The following POU2AF1 variants were observed in gnomAD, a reference collection of about 807,000 sequenced individuals.
POU2AF1 encodes POU domain class 2-associating factor 1.
POU2AF1 carries 12 observed loss-of-function variants against 26.3 expected under a neutral mutation model. That is an observed-to-expected ratio of 0.46 (90% CI 0.29 to 0.74). The LOEUF is 0.74. POU2AF1 is among the 30% of genes least tolerant of loss of function. POU2AF1 has a pLI of 0.09. For synonymous variants in POU2AF1, 175 were observed against 148.0 expected (o/e 1.18, Z -1.32); for missense variants, 297 against 334.5 (o/e 0.89, Z 0.87).
At position 111,357,523 on chromosome 11, in the gene POU2AF1, G is replaced by A. The variant is rs767266636; in HGVS notation, c.378C>T (p.Pro126=). Residue 126 remains proline (P), a synonymous_variant, in exon 4 of 5, where the codon CCC becomes CCT. Coordinates refer to ENST00000393067, the MANE Select transcript of POU2AF1 (RefSeq NM_006235.3). ...CPYSADMYVQ[P]VCPSYTVVGP... Reference sequence around the variant, plus strand: ...CCACCACCGTGTAGCTGGGGCACACGGGCTGCACATACATGTCAGCTGAGT... The same window carrying A: ...CCACCACCGTGTAGCTGGGGCACACAGGCTGCACATACATGTCAGCTGAGT... The A allele has an allele frequency of 5.0e-5, 80 of 1,614,008 alleles. No individual in the cohort carries two copies. Among genetic ancestry groups the A allele is most frequent in the Non-Finnish European group, 4.3e-5 (51 of 1,180,012 alleles).
Position 111,360,702 on chromosome 11 carries a change from T to C in POU2AF1, c.17-1784A>G, listed in dbSNP as rs529933950. Among the ~76,000 whole-genome samples, 5 of 152,250 alleles carry C rather than the reference T, an allele frequency of 3.3e-5. No homozygotes were observed. In the South Asian group the frequency reaches 1.0e-3, roughly 32 times the overall value. On this transcript the variant is annotated intron_variant, in intron 1 of 4. Transcript: ENST00000393067. ...GAATCTGTATGTATAAAAATCTCTC[T>C]TGGGAGGCTGAGGTGAGTGGATCAC... is the stretch of plus-strand genomic sequence containing the variant.
chr11:111,376,688 C>A (rs754425886), intron 1 of POU2AF1, among the ~76,000 whole-genome samples: 9 of 152,092 alleles, frequency 5.9e-5, no homozygotes, highest in Non-Finnish European at 1.3e-4. Flanking sequence ...TCAGCTCATG[C>A]CTCGAGGGTG....
At chr11:111,354,745 A>C (rs1373762173) in intron 4 of POU2AF1, among the ~76,000 whole-genome samples, 170 bp from the exon 5 acceptor site, 1 of 152,144 alleles carries the variant, frequency 6.6e-6, no homozygotes, top group Non-Finnish European at 1.5e-5. Context: ...GGGAGGAGCC[A>C]GGCTGACTTC....
chr11:111,364,092 G>T, intron 1 of POU2AF1: 2 of 755,710 alleles, frequency 2.6e-6, no homozygotes, highest in Non-Finnish European at 3.2e-6. Context: ...AATGAGCAAT[G>T]AAACAAAATC....
In POU2AF1 at chr11:111,358,713, C is replaced by A. The variant is rs1448774955; in HGVS notation, c.147+75G>T. On this transcript the variant is annotated intron_variant, in intron 2 of 4. Transcript: ENST00000393067. Reference sequence around the variant, plus strand: ...ATACACATACTCACACACACATACACTCTCACACTATCCCTGACACACACA... The same window carrying A: ...ATACACATACTCACACACACATACAATCTCACACTATCCCTGACACACACA... 2.0e-6 allele frequency: 3 copies of A among 1,502,238 alleles called. No homozygotes were observed. In the African/African-American group the frequency reaches 4.2e-5, roughly 21 times the overall value. The allele number at this position is 1,502,238 out of a possible 1,614,324, so 93.1% of individuals were successfully genotyped here. A position where few individuals can be genotyped will look rare whatever the true frequency, so the allele number is the denominator to read the frequency against.
At chr11:111,375,976 C>T (rs549194866) in intron 1 of POU2AF1, among the ~76,000 whole-genome samples, 4 of 152,256 alleles carry the variant, frequency 2.6e-5, no homozygotes, top group Admixed American at 2.6e-4. Context: ...TATTTTAGAC[C>T]CTTGGAAAAT....
intron 1 of POU2AF1, among the ~76,000 whole-genome samples, chr11:111,360,721 G>A (rs541748878): frequency 6.6e-6 from 1 of 152,124 alleles, no homozygotes. Flanking sequence ...TGAGGTGAGT[G>A]GATCACAAGG....
chr11:111,354,069 G>A lies in POU2AF1; in HGVS notation c.*192C>T, dbSNP rs1044074075. On this transcript the variant is annotated 3_prime_UTR_variant, in exon 5 of 5. Transcript: ENST00000393067. Reference sequence around the variant, plus strand: ...GAGGGAGGGGAAGAATGGAAGGATGGGGGAGAGGGAGGAAGTGAGGGAGGG... The same window carrying A: ...GAGGGAGGGGAAGAATGGAAGGATGAGGGAGAGGGAGGAAGTGAGGGAGGG... 38 of 562,316 alleles carry A rather than the reference G, an allele frequency of 6.8e-5. No homozygotes were observed. Among genetic ancestry groups the A allele is most frequent in the Admixed American group, 2.4e-4 (6 of 25,486 alleles). The allele number at this position is 562,316 out of a possible 1,614,324, so 34.8% of individuals were successfully genotyped here. A position where few individuals can be genotyped will look rare whatever the true frequency, so the allele number is the denominator to read the frequency against.
chr11:111,373,675 A>T (rs1481229346), intron 1 of POU2AF1, among the ~76,000 whole-genome samples: 2 of 152,184 alleles, frequency 1.3e-5, no homozygotes, highest in Non-Finnish European at 2.9e-5. Flanking sequence ...TGAGACCCAA[A>T]GTGGTTAGGT....
intron 1 of POU2AF1, chr11:111,363,050 A>C: frequency 1.2e-6 from 1 of 820,866 alleles, no homozygotes; most frequent in East Asian, 8.5e-5. Context: ...CGATGAACAA[A>C]GAGCGCTTGG....
intron 1 of POU2AF1, among the ~76,000 whole-genome samples, chr11:111,369,195 C>T (rs967244944): frequency 1.3e-5 from 2 of 152,200 alleles, no homozygotes; most frequent in African/African-American, 4.8e-5. Context: ...GTACAGCAAT[C>T]CTAGACAGGA....
At chr11:111,358,215 C>G (rs1860891906) in intron 2 of POU2AF1, among the ~76,000 whole-genome samples, 1 of 152,072 alleles carries the variant, frequency 6.6e-6, no homozygotes, top group African/African-American at 2.4e-5. Flanking sequence ...CAGCCTCCAC[C>G]AAGGGACCTG....
chr11:111,368,709 T>G (rs1861152448), intron 1 of POU2AF1, among the ~76,000 whole-genome samples: 1 of 152,248 alleles, frequency 6.6e-6, no homozygotes, highest in South Asian at 2.1e-4. Flanking sequence ...AGACCTAGTT[T>G]AGAAAGCCTG....
chr11:111,377,322 G>C (rs1861327701), intron 1 of POU2AF1, among the ~76,000 whole-genome samples: 1 of 152,128 alleles, frequency 6.6e-6, no homozygotes, highest in Non-Finnish European at 1.5e-5. Flanking sequence ...AGAGGTTGCA[G>C]TGAGCCGAGA....
chr11:111,374,543 A>C lies in POU2AF1; in HGVS notation c.16+4619T>G, dbSNP rs151152883. 8.3e-3 allele frequency among the ~76,000 whole-genome samples: 1,270 copies of C among 152,318 alleles called. 11 individuals carry two copies. The highest frequency in any genetic ancestry group is 0.013 in the Non-Finnish European group (892 of 68,022). On this transcript the variant is annotated intron_variant, in intron 1 of 4. Coordinates refer to ENST00000393067, the MANE Select transcript of POU2AF1 (RefSeq NM_006235.3). The stretch of plus-strand genomic sequence containing the variant: ...GAAACTCCATCTCCAATGAAAATGC[A>C]AAATTAGCTGGGCATTGTGGCATGT...
At chr11:111,378,299 G>A (rs1427369956) in intron 1 of POU2AF1, among the ~76,000 whole-genome samples, 2 of 152,172 alleles carry the variant, frequency 1.3e-5, no homozygotes, top group South Asian at 2.1e-4. Context: ...ATCTTTAAGA[G>A]AAAGACAGAG....
chr11:111,374,017 A>G (rs569960552), intron 1 of POU2AF1, among the ~76,000 whole-genome samples: 1 of 152,344 alleles, frequency 6.6e-6, no homozygotes, highest in Non-Finnish European at 1.5e-5. Flanking sequence ...CAAAGGGGGA[A>G]AAAACACTTT....
chr11:111,363,475 A>C (rs1231404729), intron 1 of POU2AF1: 19 of 1,010,220 alleles, frequency 1.9e-5, no homozygotes, highest in Non-Finnish European at 1.9e-5. Flanking sequence ...TCCACAGTAA[A>C]CACTGAGCTC....
At chr11:111,358,636 A>G (rs1380906043) in intron 2 of POU2AF1, 152 bp downstream of exon 2, 3 of 978,394 alleles carry the variant, frequency 3.1e-6, no homozygotes, top group African/African-American at 3.3e-5. Flanking sequence ...ATTCTCTCTC[A>G]CACTATCACA....
Sources: gnomAD v4.1 joint callset for allele counts (sites outside exome capture counted in the v4.1 genomes callset) on GRCh38, gnomAD v4.1.1 for gene constraint, MANE v1.5 for transcripts, NCBI Gene and HGNC (gene_info 2026-07-23, HGNC 2026-07-21) for gene names.